COL4A6: variants seen among roughly 807,000 people sequenced by gnomAD.
COL4A6 encodes collagen alpha-6(IV) chain.
COL4A6 carries 59 observed loss-of-function variants against 126.7 expected under a neutral mutation model. The ratio of observed to expected loss-of-function variants is 0.47; its 90% CI spans 0.38 to 0.58. The LOEUF (loss-of-function observed/expected upper bound fraction) is 0.58, where lower values mean the gene tolerates loss of function less well. Among genes scored for constraint, COL4A6 ranks in the 20% least tolerant of loss-of-function variants. The pLI is 0.00. For missense variants in COL4A6, 1,285 were observed against 1,337.3 expected (o/e 0.96, Z 0.61); for synonymous variants, 547 against 496.6 (o/e 1.10, Z -1.35).
rs146587936 is a variant in COL4A6 at position 108,433,613 on chromosome X, C to A, written c.63+4329G>T. Among the ~76,000 whole-genome samples, 417 of 110,266 alleles carry A rather than the reference C, an allele frequency of 3.8e-3. 4 individuals carry two copies. Among genetic ancestry groups the A allele is most frequent in the African/African-American group, 0.013 (401 of 30,270 alleles). On this transcript the variant is annotated intron_variant, in intron 2 of 44. Coordinates refer to ENST00000334504, the MANE Select transcript of COL4A6 (RefSeq NM_033641.4). ...ATCTCAGCTCACCTGCAACCTCCAA[C>A]TCCTGGGCTCAAGCCATCCTCCCAC...
intron 3 of COL4A6, among the ~76,000 whole-genome samples, chrX:108,261,465 A>G (rs747870360): frequency 1.8e-5 from 2 of 111,584 alleles, no homozygotes; most frequent in African/African-American, 6.5e-5. Context: ...GATGAGGAAA[A>G]TGGGGCTCAG....
At chrX:108,437,023 G>A (rs2147424912) in intron 2 of COL4A6, among the ~76,000 whole-genome samples, 1 of 111,497 alleles carries the variant, frequency 9.0e-6, no homozygotes, top group South Asian at 3.8e-4. Flanking sequence ...ATGGCTTTGG[G>A]TATCATTAAG....
chrX:108,235,024 C>T (rs1310535799), intron 3 of COL4A6, among the ~76,000 whole-genome samples: 1 of 111,096 alleles, frequency 9.0e-6, no homozygotes, highest in East Asian at 2.8e-4. Flanking sequence ...CTGAGAGCTC[C>T]CCCGACACTA....
chrX:108,369,577 T>G (rs1340467361), intron 2 of COL4A6, among the ~76,000 whole-genome samples: 3 of 111,781 alleles, frequency 2.7e-5, no homozygotes, highest in Non-Finnish European at 5.6e-5. Context: ...CGTTTTTGGA[T>G]TAATAATAAA....
intron 2 of COL4A6, among the ~76,000 whole-genome samples, chrX:108,412,538 G>T (rs2041352763): frequency 9.0e-6 from 1 of 111,561 alleles, no homozygotes; most frequent in Admixed American, 9.6e-5. Context: ...GCCATTTCAG[G>T]GGCCATTTTC....
At chrX:108,288,569 A>T (rs774485680) in intron 3 of COL4A6, among the ~76,000 whole-genome samples, 5 of 111,450 alleles carry the variant, frequency 4.5e-5, no homozygotes, top group Admixed American at 9.5e-5. Flanking sequence ...GGAACTCCTT[A>T]TTTAGATAAG....
chrX:108,396,008 T>C (rs1400506240), intron 2 of COL4A6, among the ~76,000 whole-genome samples: 1 of 111,856 alleles, frequency 8.9e-6, no homozygotes, highest in African/African-American at 3.2e-5. Flanking sequence ...TGTTTTAAAA[T>C]GTTAATTCTC....
chrX:108,211,884 C>T lies in COL4A6; in HGVS notation c.442-144G>A. 3.1e-5 allele frequency: 15 copies of T among 490,393 alleles called. No individual in the cohort carries two copies. In the South Asian group the frequency reaches 4.6e-4, roughly 15 times the overall value. The allele number at this position is 490,393 out of a possible 1,213,427, so 40.4% of individuals were successfully genotyped here. A position where few individuals can be genotyped will look rare whatever the true frequency, so the allele number is the denominator to read the frequency against. ...TGGCAAAATTGGCTGTACTAAGGGGCAAAACACATTCCTTGACCGGGTGCT... is the reference window on the plus strand; with the variant it reads ...TGGCAAAATTGGCTGTACTAAGGGGTAAAACACATTCCTTGACCGGGTGCT... On this transcript the variant is annotated intron_variant, in intron 6 of 44. Coordinates refer to ENST00000334504, the MANE Select transcript of COL4A6 (RefSeq NM_033641.4).
intron 2 of COL4A6, among the ~76,000 whole-genome samples, chrX:108,355,093 A>C (rs1190028613): frequency 9.0e-6 from 1 of 111,481 alleles, no homozygotes; most frequent in Non-Finnish European, 1.9e-5. Flanking sequence ...TCAAAATAAA[A>C]ATTACAAAGT....
chrX:108,390,778 G>A (rs755245686), intron 2 of COL4A6, among the ~76,000 whole-genome samples: 11 of 110,488 alleles, frequency 1.0e-4, no homozygotes, highest in South Asian at 3.9e-4. Context: ...CCTTGCTGGC[G>A]AGGCATTGTG....
intron 2 of COL4A6, among the ~76,000 whole-genome samples, chrX:108,376,502 G>A (rs1386174449): frequency 8.9e-6 from 1 of 111,944 alleles, no homozygotes; most frequent in East Asian, 2.8e-4. Flanking sequence ...CTACTGGGAG[G>A]CTGAGGCAGG....
chrX:108,164,537 G>A, intron 40 of COL4A6, 63 bp downstream of exon 40: 1 of 1,055,703 alleles, frequency 9.5e-7, no homozygotes, highest in Non-Finnish European at 1.3e-6. Context: ...ATGCCTGAAG[G>A]AACCTTACCA....
At position 108,276,804 on chromosome X, in the gene COL4A6, A is replaced by C. The variant is rs777553478; in HGVS notation, c.144+33944T>G. On this transcript the variant is annotated intron_variant, in intron 3 of 44. Transcript: ENST00000334504. ...GCTTGGCTGCTAGGTGGCATGGGGA[A>C]GTGGATCACTAGAATCAGGATACTG... 3.6e-5 allele frequency among the ~76,000 whole-genome samples: 4 copies of C among 112,118 alleles called. No homozygotes were observed. The South Asian group carries it at 1.5e-3, about 42-fold the overall frequency.
intron 37 of COL4A6, among the ~76,000 whole-genome samples, chrX:108,167,068 C>T (rs969755648): frequency 2.7e-5 from 3 of 111,551 alleles, no homozygotes; most frequent in Non-Finnish European, 3.8e-5. Context: ...ATTACACTTA[C>T]GTGTTATTAA....
intron 35 of COL4A6, 51 bp downstream of exon 35, chrX:108,170,558 C>T (rs1237717223): frequency 3.0e-6 from 3 of 1,014,595 alleles, no homozygotes; most frequent in South Asian, 1.9e-5. Flanking sequence ...AGTTGGTGTC[C>T]TTCATCGAGG....
intron 3 of COL4A6, 147 bp downstream of exon 3, chrX:108,310,601 T>C: frequency 2.2e-6 from 1 of 456,553 alleles, no homozygotes; most frequent in Non-Finnish European, 3.8e-6. Flanking sequence ...CTATCATTAG[T>C]TAGCAAAGCT....
chrX:108,233,738 C>T (rs1391976969), intron 3 of COL4A6, among the ~76,000 whole-genome samples: 1 of 112,083 alleles, frequency 8.9e-6, no homozygotes, highest in Non-Finnish European at 1.9e-5. Context: ...CCTGCTGGTA[C>T]TCTGGCATAG....
intron 3 of COL4A6, among the ~76,000 whole-genome samples, chrX:108,269,592 C>A (rs1423698565): frequency 9.0e-6 from 1 of 111,437 alleles, no homozygotes; most frequent in Non-Finnish European, 1.9e-5. Flanking sequence ...CAGGGAAGGG[C>A]TAACAGAAAA....
chrX:108,178,530 G>A (rs1212151729), intron 27 of COL4A6, among the ~76,000 whole-genome samples, 154 bp downstream of exon 27: 1 of 112,485 alleles, frequency 8.9e-6, no homozygotes, highest in Non-Finnish European at 1.9e-5. Flanking sequence ...TACTGCAAGG[G>A]TGACTTGAGA....
Sources: gnomAD v4.1 joint callset for allele counts (sites outside exome capture counted in the v4.1 genomes callset) on GRCh38, gnomAD v4.1.1 for gene constraint, MANE v1.5 for transcripts, NCBI Gene and HGNC (gene_info 2026-07-23, HGNC 2026-07-21) for gene names.